CASR: variants seen among roughly 807,000 people sequenced by gnomAD.
The protein encoded by CASR is extracellular calcium-sensing receptor.
CASR carries 23 observed loss-of-function variants against 69.1 expected under a neutral mutation model. That is an observed-to-expected ratio of 0.33 (90% CI 0.24 to 0.47). The LOEUF is 0.47. Among genes scored for constraint, CASR ranks in the 20% least tolerant of loss-of-function variants. The pLI, the probability that CASR is intolerant of heterozygous loss-of-function variation, is 1.00. For synonymous variants in CASR, 541 were observed against 544.7 expected, an observed-to-expected ratio of 0.99 and a Z score of 0.10; for missense variants, 924 against 1,356.1, an observed-to-expected ratio of 0.68 and a Z score of 5.00.
At chr3:122,269,891 G>A (rs60992117) in intron 4 of CASR, among the ~76,000 whole-genome samples, 25,714 of 152,054 alleles carry the variant, frequency 0.17, 2,608 homozygotes, top group East Asian at 0.4. Flanking sequence ...ACCCAGGATG[G>A]AGTAAAGTGG....
intron 1 of CASR, among the ~76,000 whole-genome samples, chr3:122,196,003 G>C (rs1559934027): frequency 1.3e-5 from 2 of 152,102 alleles, no homozygotes. Context: ...TCGTTGATAT[G>C]TTCAAAGATT....
At chr3:122,210,239 G>A (rs915107145) in intron 1 of CASR, among the ~76,000 whole-genome samples, 1 of 152,076 alleles carries the variant, frequency 6.6e-6, no homozygotes, top group Non-Finnish European at 1.5e-5. Flanking sequence ...TCTGGCCAGG[G>A]CAATCAGGCA....
chr3:122,273,778 G>C (rs2074785285), intron 4 of CASR, among the ~76,000 whole-genome samples: 1 of 152,308 alleles, frequency 6.6e-6, no homozygotes, highest in African/African-American at 2.4e-5. Flanking sequence ...GAGCAATGTG[G>C]GAGTGAGGGC....
At chr3:122,247,445 T>C (rs925365954) in intron 1 of CASR, 1 of 152,228 alleles carries the variant, frequency 6.6e-6, no homozygotes, top group Non-Finnish European at 1.5e-5. Context: ...TCTGGCATTT[T>C]TCTTTATAAA....
At chr3:122,248,772 G>A (rs2074453743) in intron 1 of CASR, among the ~76,000 whole-genome samples, 2 of 152,152 alleles carry the variant, frequency 1.3e-5, no homozygotes, top group South Asian at 4.1e-4. Flanking sequence ...ACAATTTCCA[G>A]AAATGTTGAG....
intron 1 of CASR, among the ~76,000 whole-genome samples, chr3:122,200,526 A>G (rs1366706692): frequency 6.6e-6 from 1 of 152,150 alleles, no homozygotes; most frequent in Non-Finnish European, 1.5e-5. Context: ...TAAAAAATGT[A>G]TTATATTCGT....
intron 4 of CASR, among the ~76,000 whole-genome samples, chr3:122,265,233 T>G (rs1366186228): frequency 6.6e-6 from 1 of 152,364 alleles, no homozygotes; most frequent in Non-Finnish European, 1.5e-5. Context: ...TTTAATTGAC[T>G]GAAATAGACA....
intron 1 of CASR, among the ~76,000 whole-genome samples, chr3:122,220,259 T>C (rs2074157508): frequency 6.6e-6 from 1 of 152,258 alleles, no homozygotes; most frequent in Non-Finnish European, 1.5e-5. Flanking sequence ...TGTTTGTGTC[T>C]GACCACTTCA....
chr3:122,201,650 G>C (rs967359802), intron 1 of CASR, among the ~76,000 whole-genome samples: 6 of 83,800 alleles, frequency 7.2e-5, no homozygotes, highest in Middle Eastern at 7.2e-3. Context: ...CTCCCTCCCG[G>C]ACGGGGCGGC....
chr3:122,249,493 A>G (rs1442470404), intron 1 of CASR, among the ~76,000 whole-genome samples: 1 of 152,242 alleles, frequency 6.6e-6, no homozygotes, highest in African/African-American at 2.4e-5. Context: ...TTATAACTTC[A>G]TGAACCCATG....
chr3:122,199,187 G>A (rs1455022721), intron 1 of CASR, among the ~76,000 whole-genome samples: 2 of 152,326 alleles, frequency 1.3e-5, no homozygotes, highest in East Asian at 3.9e-4. Flanking sequence ...CCAAGGAACT[G>A]CAGCTGCCTG....
At position 122,285,470 on chromosome 3, in the gene CASR, C is replaced by T; in HGVS notation, c.*279C>T. ...GTTCACCCACATCTAATGTCTCTTC[C>T]TCTGTTCTATCCCACCCAACAGCTC... On this transcript the variant is annotated 3_prime_UTR_variant, in exon 7 of 7. Transcript: ENST00000639785. 2.3e-6 allele frequency: 1 copy of T among 431,224 alleles called. No homozygotes were observed. The highest frequency in any genetic ancestry group is 4.3e-6 in the Non-Finnish European group (1 of 231,294). The allele number at this position is 431,224 out of a possible 1,614,324, so 26.7% of individuals were successfully genotyped here.
intron 1 of CASR, among the ~76,000 whole-genome samples, chr3:122,230,898 C>A (rs12485702): frequency 0.16 from 24,615 of 152,098 alleles, 2,063 homozygotes; most frequent in Non-Finnish European, 0.18. Flanking sequence ...TTTTTAGTTT[C>A]TTTGCAAACC....
At chr3:122,213,380 A>G (rs1383377052) in intron 1 of CASR, among the ~76,000 whole-genome samples, 1 of 152,174 alleles carries the variant, frequency 6.6e-6, no homozygotes, top group Non-Finnish European at 1.5e-5. Context: ...GGAAAACACT[A>G]AGACCTCTTT....
chr3:122,255,183 T>A (rs1351018533), intron 2 of CASR, among the ~76,000 whole-genome samples: 1 of 152,098 alleles, frequency 6.6e-6, no homozygotes, highest in Non-Finnish European at 1.5e-5. Context: ...TAGAATATAG[T>A]CTCCAGGGTG....
intron 3 of CASR, among the ~76,000 whole-genome samples, chr3:122,260,264 G>A (rs952267424): frequency 2.0e-5 from 3 of 152,158 alleles, no homozygotes; most frequent in Admixed American, 1.3e-4. Flanking sequence ...GAAAAGAAGT[G>A]GGAAAGCTCT....
intron 1 of CASR, among the ~76,000 whole-genome samples, chr3:122,230,034 A>G (rs1166279056): frequency 1.3e-5 from 2 of 152,180 alleles, no homozygotes; most frequent in African/African-American, 4.8e-5. Flanking sequence ...AAAATGGAAG[A>G]TTTGTACTAA....
intron 4 of CASR, among the ~76,000 whole-genome samples, chr3:122,275,172 G>A (rs2074802483): frequency 6.6e-6 from 1 of 152,172 alleles, no homozygotes; most frequent in Non-Finnish European, 1.5e-5. Context: ...GACAACATGT[G>A]GTATGTGTTA....
intron 1 of CASR, among the ~76,000 whole-genome samples, chr3:122,213,881 C>CCT (rs1182263730): frequency 3.9e-5 from 6 of 152,168 alleles, no homozygotes; most frequent in Admixed American, 6.5e-5. Context: ...GAGGGACAGC[C>CCT]CTCCACCTGA....
Sources: gnomAD v4.1 joint callset for allele counts (sites outside exome capture counted in the v4.1 genomes callset) on GRCh38, gnomAD v4.1.1 for gene constraint, MANE v1.5 for transcripts, NCBI Gene and HGNC (gene_info 2026-07-23, HGNC 2026-07-21) for gene names.